AGBL1: variants seen among roughly 807,000 people sequenced by gnomAD.
AGBL1 encodes the protein AGBL carboxypeptidase 1.
Under a neutral mutation model 118.9 loss-of-function variants are expected in AGBL1, and 130 were observed. That is an observed-to-expected ratio of 1.09 (90% CI 0.95 to 1.26). The LOEUF is 1.26. Among genes scored for constraint, AGBL1 ranks in the 50% most tolerant of loss-of-function variants. The pLI, the probability that AGBL1 is intolerant of heterozygous loss-of-function variation, is 0.00. For missense variants in AGBL1, 1,584 were observed against 1,298.1 expected (o/e 1.22, Z -3.38); for synonymous variants, 555 against 478.9 (o/e 1.16, Z -2.08).
At chr15:86,796,156 A>G (rs2078567548) in intron 22 of AGBL1, among the ~76,000 whole-genome samples, 1 of 152,204 alleles carries the variant, frequency 6.6e-6, no homozygotes, top group Non-Finnish European at 1.5e-5. Flanking sequence ...CACATAAAAA[A>G]TTAACTGTTG....
At chr15:86,364,953 T>TCACACACA (rs200208327) in intron 17 of AGBL1, among the ~76,000 whole-genome samples, 10 of 57,424 alleles carry the variant, frequency 1.7e-4, no homozygotes, top group Non-Finnish European at 3.5e-4. Context: ...GATTTATATG[T>TCACACACA]CACACATATA....
chr15:86,694,081 C>G (rs1170907195), intron 22 of AGBL1, among the ~76,000 whole-genome samples: 14 of 151,974 alleles, frequency 9.2e-5, no homozygotes, highest in Non-Finnish European at 1.5e-5. Flanking sequence ...TATGCAGGCT[C>G]TTTTTTGGTT....
chr15:86,855,457 A>C (rs1244819765), intron 22 of AGBL1, among the ~76,000 whole-genome samples: 1 of 152,082 alleles, frequency 6.6e-6, no homozygotes. Context: ...CAATCCAGCT[A>C]TTTCTCACTG....
chr15:86,417,119 C>T (rs2081706649), intron 18 of AGBL1, among the ~76,000 whole-genome samples: 2 of 152,182 alleles, frequency 1.3e-5, no homozygotes, highest in Admixed American at 1.3e-4. Flanking sequence ...GGCCAAATAG[C>T]CTGTGCTCTA....
intron 21 of AGBL1, among the ~76,000 whole-genome samples, chr15:86,617,286 A>G (rs1201288888): frequency 3.9e-5 from 6 of 152,188 alleles, no homozygotes; most frequent in Non-Finnish European, 2.9e-5. Context: ...ATAGCCAACA[A>G]TAATATTCCT....
At chr15:86,453,288 T>C (rs2082218029) in intron 18 of AGBL1, among the ~76,000 whole-genome samples, 1 of 152,216 alleles carries the variant, frequency 6.6e-6, no homozygotes, top group African/African-American at 2.4e-5. Context: ...TAGATAGCTA[T>C]TCCCACCAGC....
chr15:86,259,267 C>G (rs2142019924), intron 9 of AGBL1, among the ~76,000 whole-genome samples: 1 of 152,290 alleles, frequency 6.6e-6, no homozygotes. Flanking sequence ...TAGTTGAGGA[C>G]TACTGCTCTA....
At position 86,427,164 on chromosome 15, in the gene AGBL1, T is replaced by C. The variant is rs2081877098; in HGVS notation, c.2555+29618T>C. Among the ~76,000 whole-genome samples, 6 of 152,242 alleles carry C rather than the reference T, an allele frequency of 3.9e-5. No individual in the cohort carries two copies. The South Asian group carries it at 8.3e-4, about 21-fold the overall frequency. On this transcript the variant is annotated intron_variant, in intron 18 of 22. Coordinates refer to ENST00000614907, the MANE Select transcript of AGBL1 (RefSeq NM_001386094.1). Reference sequence around the variant, plus strand: ...CAAATGACTTTGTTTTTGACTGAATTACTGGGGTAGACACTGCATAAAAGT... The same window carrying C: ...CAAATGACTTTGTTTTTGACTGAATCACTGGGGTAGACACTGCATAAAAGT...
At chr15:86,408,598 G>T (rs2081567550) in intron 18 of AGBL1, among the ~76,000 whole-genome samples, 1 of 152,154 alleles carries the variant, frequency 6.6e-6, no homozygotes, top group South Asian at 2.1e-4. Flanking sequence ...TTGAAACAGA[G>T]CAGAATTATT....
chr15:86,298,451 T>C (rs1298283788), intron 17 of AGBL1, among the ~76,000 whole-genome samples: 1 of 150,484 alleles, frequency 6.6e-6, no homozygotes, highest in Admixed American at 6.6e-5. Context: ...CCCAGCCCAG[T>C]ATAAACACTG....
chr15:86,922,681 A>G (rs764410006), intron 23 of AGBL1, among the ~76,000 whole-genome samples: 4 of 152,252 alleles, frequency 2.6e-5, no homozygotes, highest in Non-Finnish European at 5.9e-5. Flanking sequence ...ATACCACTAA[A>G]TGACACAGAA....
At chr15:87,014,369 C>T (rs777927709) in intron 24 of AGBL1, among the ~76,000 whole-genome samples, 5 of 152,140 alleles carry the variant, frequency 3.3e-5, no homozygotes, top group African/African-American at 7.2e-5. Flanking sequence ...TTTTGCATTT[C>T]GTTGAGAGGA....
chr15:86,101,872 G>T (rs1307188225), intron 1 of AGBL1, among the ~76,000 whole-genome samples: 1 of 152,024 alleles, frequency 6.6e-6, no homozygotes, highest in African/African-American at 2.4e-5. Flanking sequence ...TTATATTCAA[G>T]ATTGTTATTG....
At chr15:86,808,804 T>C (rs2141363855) in intron 22 of AGBL1, among the ~76,000 whole-genome samples, 1 of 152,010 alleles carries the variant, frequency 6.6e-6, no homozygotes, top group African/African-American at 2.4e-5. Context: ...GATCATGGTT[T>C]CTTTAACTGC....
chr15:86,200,003 T>G (rs1358312530), intron 5 of AGBL1, among the ~76,000 whole-genome samples: 1 of 152,210 alleles, frequency 6.6e-6, no homozygotes, highest in Non-Finnish European at 1.5e-5. Flanking sequence ...ATTCTTGTGT[T>G]TACCATTGGG....
chr15:86,405,181 A>G (rs2081506786), intron 18 of AGBL1, among the ~76,000 whole-genome samples: 1 of 152,158 alleles, frequency 6.6e-6, no homozygotes, highest in Non-Finnish European at 1.5e-5. Context: ...TCAGTCTTCT[A>G]GTCTTGTTTC....
At chr15:86,790,421 CTT>C (rs539165481) in intron 22 of AGBL1, among the ~76,000 whole-genome samples, 97 of 151,890 alleles carry the variant, frequency 6.4e-4, no homozygotes, top group African/African-American at 2.1e-3. Flanking sequence ...TTTAAAAAAA[CTT>C]TCTCTCCCCA....
chr15:87,024,663 A>G (rs963788727), intron 24 of AGBL1, among the ~76,000 whole-genome samples: 1 of 151,958 alleles, frequency 6.6e-6, no homozygotes, highest in Admixed American at 6.6e-5. Context: ...CCCTAATACC[A>G]AAACCAGGAT....
intron 21 of AGBL1, among the ~76,000 whole-genome samples, chr15:86,592,657 A>C (rs1055122339): frequency 6.6e-6 from 1 of 152,208 alleles, no homozygotes; most frequent in African/African-American, 2.4e-5. Context: ...GGAAGGTCGC[A>C]TAACAGTTAA....
Sources: allele counts gnomAD v4.1 joint callset (sites outside exome capture counted in the v4.1 genomes callset), GRCh38; gene constraint gnomAD v4.1.1; transcripts MANE v1.5; gene names NCBI Gene and HGNC (gene_info 2026-07-23, HGNC 2026-07-21).